Variants in WDR88 observed in about 807,000 individuals in gnomAD.
WDR88 encodes the protein WD repeat-containing protein 88.
WDR88 carries 40 observed loss-of-function variants against 46.8 expected under a neutral mutation model. The ratio of observed to expected loss-of-function variants is 0.86; its 90% CI spans 0.66 to 1.11. WDR88 has a LOEUF of 1.11. Ranked by LOEUF, WDR88 falls within the 50% of genes most tolerant of loss-of-function variation. The pLI is 0.00. For missense variants in WDR88, 562 were observed against 602.4 expected (o/e 0.93, Z 0.70); for synonymous variants, 235 against 240.7 (o/e 0.98, Z 0.22).
intron 6 of WDR88, among the ~76,000 whole-genome samples, chr19:33,152,728 A>C (rs567215633): frequency 1.3e-5 from 2 of 151,714 alleles, no homozygotes; most frequent in Non-Finnish European, 2.9e-5. Context: ...CAGCCTCCTG[A>C]GTAGCTGGGA....
At chr19:33,133,196 T>TAGAG (rs1215009794) in intron 1 of WDR88, among the ~76,000 whole-genome samples, 5,889 of 61,854 alleles carry the variant, frequency 0.095, 189 homozygotes, top group Non-Finnish European at 0.2. Flanking sequence ...AATAAATAAA[T>TAGAG]ATAGAGAGAG....
rs536415537 is a variant in WDR88 at position 33,160,083 on chromosome 19, C to T, written c.998-331C>T. 3.9e-5 allele frequency among the ~76,000 whole-genome samples: 6 copies of T among 152,204 alleles called. No homozygotes were observed. The South Asian group carries it at 8.3e-4, about 21-fold the overall frequency. On this transcript the variant is annotated intron_variant, in intron 7 of 10. Transcript: ENST00000355868. ...AGGAGGCCGAGCTCAGGTGGTAATA[C>T]GAGCGATGGGGAGTGGCTGTAAATA...
chr19:33,171,915 A>G (rs1354828881), intron 9 of WDR88, among the ~76,000 whole-genome samples: 1 of 152,150 alleles, frequency 6.6e-6, no homozygotes, highest in Non-Finnish European at 1.5e-5. Context: ...CTGGGACTAC[A>G]GGTGCACGCC....
At chr19:33,170,173 A>T (rs1974014235) in intron 9 of WDR88, among the ~76,000 whole-genome samples, 2 of 146,598 alleles carry the variant, frequency 1.4e-5, no homozygotes, top group Admixed American at 6.8e-5. Flanking sequence ...CACTGCGCCC[A>T]GCCCATTTAT....
chr19:33,158,897 G>A lies in WDR88; in HGVS notation c.998-1517G>A, dbSNP rs1255617138. On this transcript the variant is annotated intron_variant, in intron 7 of 10. Coordinates refer to ENST00000355868, the MANE Select transcript of WDR88 (RefSeq NM_173479.4). ...GTATTTTTGGTAGAGATGGGGTTTC[G>A]CCATGTTGTCCAGGCTGGTCTTGAA... Among the ~76,000 whole-genome samples, 5 of 151,896 alleles carry A rather than the reference G, an allele frequency of 3.3e-5. No homozygotes were observed. In the East Asian group the frequency reaches 5.8e-4, roughly 18 times the overall value.
chr19:33,161,728 G>A (rs772063004), intron 8 of WDR88, among the ~76,000 whole-genome samples: 17 of 152,144 alleles, frequency 1.1e-4, no homozygotes, highest in Admixed American at 2.6e-4. Context: ...ACTTTGGGAG[G>A]CTGAGGCTGG....
rs1407612443 is a variant in WDR88 at position 33,151,275 on chromosome 19, T to C, written c.774T>C (p.Asp258=). The change falls in exon 6 of 11, where the codon GAT becomes GAC. Residue 258 remains aspartate, a synonymous_variant. Transcript: ENST00000355868. ...TGGACAGGTGCATCAAGATCTGGGA[T>C]GTTACATCCCAGGCCACGCTGCTCA... ...VSLDRCIKIW[D]VTSQATLLTI... The C allele has an allele frequency of 6.2e-7, 1 of 1,613,636 alleles. No individual in the cohort carries two copies. The highest frequency in any genetic ancestry group is 1.1e-5 in the South Asian group (1 of 90,920).
chr19:33,174,556 G>C, intron 10 of WDR88: 1 of 984,374 alleles, frequency 1.0e-6, no homozygotes, highest in Non-Finnish European at 1.2e-6. Context: ...TGTGAGCTTT[G>C]GCCAGAAACA....
At chr19:33,166,612 T>C (rs964924904) in intron 9 of WDR88, among the ~76,000 whole-genome samples, 11 of 150,618 alleles carry the variant, frequency 7.3e-5, no homozygotes, top group African/African-American at 2.7e-4. Flanking sequence ...AAAAAAATTA[T>C]TGAATATTTA....
chr19:33,149,431 A>G (rs990561584), intron 5 of WDR88, among the ~76,000 whole-genome samples: 3 of 152,198 alleles, frequency 2.0e-5, no homozygotes, highest in African/African-American at 7.2e-5. Context: ...GCTTTTAACA[A>G]AGGACACAAT....
intron 1 of WDR88, among the ~76,000 whole-genome samples, chr19:33,133,976 G>C (rs1973193616): frequency 6.6e-6 from 1 of 152,260 alleles, no homozygotes; most frequent in East Asian, 1.9e-4. Context: ...GCTCCTAGGT[G>C]GCTGCTGAGC....
chr19:33,171,230 C>T (rs555733432), intron 9 of WDR88, among the ~76,000 whole-genome samples: 1 of 152,330 alleles, frequency 6.6e-6, no homozygotes, highest in South Asian at 2.1e-4. Context: ...AGGTGATCCG[C>T]CTGCCTTGGC....
At chr19:33,155,784 T>G (rs151106757) in intron 6 of WDR88, among the ~76,000 whole-genome samples, 28 of 152,338 alleles carry the variant, frequency 1.8e-4, no homozygotes, top group Non-Finnish European at 3.4e-4. Flanking sequence ...CAGTGGACAT[T>G]TGACAATGTC....
chr19:33,165,410 T>C (rs1045935249), intron 9 of WDR88, among the ~76,000 whole-genome samples: 7 of 152,036 alleles, frequency 4.6e-5, no homozygotes, highest in African/African-American at 1.7e-4. Flanking sequence ...AAAGATTATA[T>C]GCCTATATGT....
chr19:33,134,267 C>T (rs1015766449), intron 1 of WDR88, among the ~76,000 whole-genome samples: 11 of 152,056 alleles, frequency 7.2e-5, no homozygotes, highest in African/African-American at 2.7e-4. Context: ...GTTCCCCCCT[C>T]TTGCTAATGT....
intron 9 of WDR88, among the ~76,000 whole-genome samples, chr19:33,166,282 C>CAAAAAA (rs34053341): frequency 5.4e-5 from 3 of 55,546 alleles, no homozygotes; most frequent in Admixed American, 2.3e-4. Context: ...GTTGTGGTCT[C>CAAAAAA]AAAAAAAAAA....
intron 2 of WDR88, among the ~76,000 whole-genome samples, chr19:33,144,151 G>C (rs1427654575): frequency 6.6e-6 from 1 of 152,130 alleles, no homozygotes; most frequent in Non-Finnish European, 1.5e-5. Context: ...AGTTGGCCCC[G>C]GCCCGCCCAG....
chr19:33,158,846 C>T (rs111528673), intron 7 of WDR88, among the ~76,000 whole-genome samples: 19 of 152,228 alleles, frequency 1.2e-4, no homozygotes, highest in South Asian at 8.3e-4. Flanking sequence ...ATTACAGGTG[C>T]GCACTACCAT....
At chr19:33,154,215 CT>C (rs201955928) in intron 6 of WDR88, among the ~76,000 whole-genome samples, 2 of 151,116 alleles carry the variant, frequency 1.3e-5, no homozygotes, top group African/African-American at 2.4e-5. Flanking sequence ...ATTGCTATGT[CT>C]TTTTTTTTAC....
Sources: allele counts gnomAD v4.1 joint callset (sites outside exome capture counted in the v4.1 genomes callset), GRCh38; gene constraint gnomAD v4.1.1; transcripts MANE v1.5; gene names NCBI Gene and HGNC (gene_info 2026-07-23, HGNC 2026-07-21).